PCDH9: variants seen among roughly 807,000 people sequenced by gnomAD.
PCDH9 encodes the protein protocadherin-9.
In PCDH9, 24 loss-of-function variants were observed where a neutral mutation model predicts 70.6. The ratio of observed to expected loss-of-function variants is 0.34; its 90% confidence interval spans 0.25 to 0.48. The LOEUF (loss-of-function observed/expected upper bound fraction) is 0.48, where lower values mean the gene tolerates loss of function less well. Among genes scored for constraint, PCDH9 ranks in the 20% least tolerant of loss-of-function variants. The pLI is 0.99. For synonymous variants in PCDH9, 562 were observed against 558.5 expected (o/e 1.01, Z -0.09); for missense variants, 1,281 against 1,503.6 (o/e 0.85, Z 2.45).
chr13:66,756,934 TCAAG>T (rs1259961423), intron 3 of PCDH9, among the ~76,000 whole-genome samples: 3 of 152,126 alleles, frequency 2.0e-5, no homozygotes, highest in Non-Finnish European at 4.4e-5. Context: ...CCTCCCGGGT[TCAAG>T]CAATTCTCCT....
chr13:67,225,614 AAGC>A lies in PCDH9; in HGVS notation c.2824_2826del (p.Ala942del). On this transcript the variant is annotated inframe_deletion, in exon 2 of 5. Transcript: ENST00000377865. ...TTGAGATGAAAAGCAGGCTGTGGAG[AAGC>A]AGATTTGTAGTGCTTGGCCAGGTCA... The A allele has an allele frequency of 6.2e-7, 1 of 1,614,086 alleles. No homozygotes were observed. The highest frequency in any genetic ancestry group is 8.5e-7 in the Non-Finnish European group (1 of 1,180,008).
Position 66,446,137 on chromosome 13 carries a change from T to C in PCDH9, c.3341-141109A>G, listed in dbSNP as rs572279791. On this transcript the variant is annotated intron_variant, in intron 4 of 4. Coordinates refer to ENST00000377865, the MANE Select transcript of PCDH9 (RefSeq NM_203487.3). ...TTTATATGTGATGTGTGTATGTATG[T>C]ATTTGTGTGTATGTGCTTCAGGTGA... Among the ~76,000 whole-genome samples, 5 of 152,156 alleles carry C rather than the reference T, an allele frequency of 3.3e-5. No homozygotes were observed. The East Asian group carries it at 5.8e-4, about 18-fold the overall frequency.
chr13:66,499,112 G>T (rs551129519), intron 4 of PCDH9, among the ~76,000 whole-genome samples: 6 of 151,920 alleles, frequency 3.9e-5, no homozygotes, highest in Non-Finnish European at 7.4e-5. Context: ...AAGCTTATGA[G>T]TTTGTGAACC....
intron 3 of PCDH9, among the ~76,000 whole-genome samples, chr13:66,878,560 AT>A (rs1344577576): frequency 6.6e-6 from 1 of 152,112 alleles, no homozygotes; most frequent in African/African-American, 2.4e-5. Context: ...AAAATCTTGT[AT>A]TTGGGCCTTG....
intron 4 of PCDH9, among the ~76,000 whole-genome samples, chr13:66,518,451 A>G (rs1385974340): frequency 1.3e-5 from 2 of 152,158 alleles, no homozygotes; most frequent in East Asian, 3.9e-4. Flanking sequence ...TAAAAGTTTC[A>G]AAAGTGAAAT....
intron 3 of PCDH9, among the ~76,000 whole-genome samples, chr13:66,771,190 A>G (rs543898325): frequency 6.6e-6 from 1 of 152,264 alleles, no homozygotes; most frequent in African/African-American, 2.4e-5. Flanking sequence ...TCAAGTGGTC[A>G]TCCTAGCTCA....
chr13:66,382,937 C>A (rs1175229119), intron 4 of PCDH9, among the ~76,000 whole-genome samples: 1 of 152,074 alleles, frequency 6.6e-6, no homozygotes, highest in African/African-American at 2.4e-5. Flanking sequence ...GAGGCTGAGG[C>A]AAATCCCTTA....
At chr13:66,574,291 C>T (rs1410562047) in intron 4 of PCDH9, among the ~76,000 whole-genome samples, 1 of 152,156 alleles carries the variant, frequency 6.6e-6, no homozygotes, top group African/African-American at 2.4e-5. Context: ...GCTTCAGTCT[C>T]CTCAAATCTG....
At chr13:66,344,837 G>A (rs1335092482) in intron 4 of PCDH9, among the ~76,000 whole-genome samples, 2 of 152,136 alleles carry the variant, frequency 1.3e-5, no homozygotes, top group South Asian at 2.1e-4. Context: ...ACACATGCAC[G>A]TCTCCAGAGA....
chr13:67,054,082 T>A (rs1474090117), intron 2 of PCDH9, among the ~76,000 whole-genome samples: 1 of 152,130 alleles, frequency 6.6e-6, no homozygotes, highest in African/African-American at 2.4e-5. Context: ...CAACCCAATG[T>A]AACAGACTGG....
intron 2 of PCDH9, among the ~76,000 whole-genome samples, chr13:66,960,144 C>A (rs762305978): frequency 1.1e-4 from 17 of 152,138 alleles, no homozygotes; most frequent in Non-Finnish European, 1.6e-4. Context: ...AATCAAAACA[C>A]CTCTGCTGAC....
intron 3 of PCDH9, among the ~76,000 whole-genome samples, chr13:66,687,056 G>A (rs1399393511): frequency 6.6e-6 from 1 of 152,098 alleles, no homozygotes; most frequent in Non-Finnish European, 1.5e-5. Context: ...GAACTGCAAA[G>A]TAAACTACAA....
intron 4 of PCDH9, among the ~76,000 whole-genome samples, chr13:66,412,330 T>A (rs2138325999): frequency 6.6e-6 from 1 of 152,224 alleles, no homozygotes; most frequent in Admixed American, 6.5e-5. Flanking sequence ...TCCAGCTGAT[T>A]AATTTTTTTT....
intron 4 of PCDH9, among the ~76,000 whole-genome samples, chr13:66,546,139 T>C (rs1961188583): frequency 6.6e-6 from 1 of 151,342 alleles, no homozygotes; most frequent in Non-Finnish European, 1.5e-5. Context: ...CACCCGGCCA[T>C]CTTTATTTTT....
intron 3 of PCDH9, among the ~76,000 whole-genome samples, chr13:66,839,216 T>C (rs536111223): frequency 9.6e-4 from 146 of 152,122 alleles, no homozygotes; most frequent in Non-Finnish European, 1.5e-3. Context: ...TTGTATTTTT[T>C]AGGTCCAACT....
intron 3 of PCDH9, among the ~76,000 whole-genome samples, chr13:66,687,590 T>C (rs1024374670): frequency 6.6e-6 from 1 of 152,266 alleles, no homozygotes; most frequent in East Asian, 1.9e-4. Context: ...ATAACCATAA[T>C]TACATATTCT....
At chr13:66,400,013 C>T (rs1292774352) in intron 4 of PCDH9, among the ~76,000 whole-genome samples, 3 of 152,156 alleles carry the variant, frequency 2.0e-5, no homozygotes, top group African/African-American at 7.2e-5. Context: ...CAAAGCTATT[C>T]CCAGTGCAGT....
chr13:66,779,633 C>A (rs1290591471), intron 3 of PCDH9, among the ~76,000 whole-genome samples: 1 of 151,852 alleles, frequency 6.6e-6, no homozygotes, highest in Non-Finnish European at 1.5e-5. Flanking sequence ...CCATCTTAGC[C>A]AACATGGTGA....
At chr13:66,726,861 A>G (rs149269551) in intron 3 of PCDH9, among the ~76,000 whole-genome samples, 41 of 152,308 alleles carry the variant, frequency 2.7e-4, no homozygotes, top group Non-Finnish European at 2.5e-4. Context: ...ATTATCTCAA[A>G]TATTTTCATA....
Sources: gnomAD v4.1 joint callset for allele counts (sites outside exome capture counted in the v4.1 genomes callset) on GRCh38, gnomAD v4.1.1 for gene constraint, MANE v1.5 for transcripts, NCBI Gene and HGNC (gene_info 2026-07-23, HGNC 2026-07-21) for gene names.